The following MCF2L variants were observed in gnomAD, a reference collection of about 807,000 sequenced individuals.
MCF2L encodes the protein MCF.2 cell line derived transforming sequence like.
MCF2L carries 97 observed loss-of-function variants against 153.4 expected under a neutral mutation model. The ratio of observed to expected loss-of-function variants is 0.63; its 90% CI spans 0.54 to 0.75. The LOEUF is 0.75. Ranked by LOEUF, MCF2L falls within the 30% of genes least tolerant of loss-of-function variation. The pLI is 0.00. For missense variants in MCF2L, 1,347 were observed against 1,495.2 expected (o/e 0.90, Z 1.64); for synonymous variants, 659 against 632.2 (o/e 1.04, Z -0.64).
chr13:113,088,344 TA>T lies in MCF2L; in HGVS notation c.2709del (p.Ala904ProfsTer4). ...GGAAACAGGCGCCAACTCCTGAGAT[TA>T]AAGCCGCGTGGGTGAATGAAATTCG... ...YIVQAPTPEI[K>X]AAWVNEIRKV... is the part of the protein sequence containing the mutation. On this transcript the variant is annotated frameshift_variant, in exon 24 of 30. Transcript: ENST00000535094. LOFTEE classifies it high-confidence loss of function. 6.2e-7 allele frequency: 1 copy of T among 1,614,036 alleles called. No individual in the cohort carries two copies. The highest frequency in any genetic ancestry group is 8.5e-7 in the Non-Finnish European group (1 of 1,180,036).
intron 3 of MCF2L, among the ~76,000 whole-genome samples, chr13:113,034,763 G>T (rs1315181042): frequency 6.6e-6 from 1 of 152,226 alleles, no homozygotes; most frequent in African/African-American, 2.4e-5. Flanking sequence ...CGGGGTTGCA[G>T]TGTCTGTGCT....
intron 12 of MCF2L, 114 bp downstream of exon 12, chr13:113,076,271 ATT>A (rs11367219): frequency 1.9e-5 from 14 of 722,094 alleles, no homozygotes; most frequent in East Asian, 3.7e-5. Flanking sequence ...ATTTATTATT[ATT>A]TTTTTTTTGA....
rs1368788827 is a variant in MCF2L, at chr13:113,070,752, T to C, written c.996+579T>C. ...TTTGTTTGTTTGCTCAGCACAGCTC[T>C]CTGCAGACCCCCAGGTGCCGGTGGC... On this transcript the variant is annotated intron_variant, in intron 9 of 29. Coordinates refer to ENST00000535094, the MANE Select transcript of MCF2L (RefSeq NM_001112732.3). The surrounding 1 kb of genome is among the most constrained non-coding windows in gnomAD (Gnocchi z 5.6). Among the ~76,000 whole-genome samples, 1 of 152,236 alleles carries C rather than the reference T, an allele frequency of 6.6e-6. No homozygotes were observed. Among genetic ancestry groups the C allele is most frequent in the East Asian group, 1.9e-4 (1 of 5,194 alleles).
intron 1 of MCF2L, among the ~76,000 whole-genome samples, chr13:112,974,131 C>G (rs774009285): frequency 7.2e-5 from 11 of 152,220 alleles, no homozygotes; most frequent in Non-Finnish European, 4.4e-5. Flanking sequence ...TCCACATCAC[C>G]TGCTGGCTTC....
chr13:112,902,408 A>T (rs9603988), intron 2 of MCF2L: 35,260 of 1,599,282 alleles, frequency 0.022, 594 homozygotes, highest in East Asian at 0.052. Flanking sequence ...TTGATTTTGC[A>T]GGTCTCACTG....
intron 1 of MCF2L, among the ~76,000 whole-genome samples, chr13:112,899,176 G>A (rs543499367): frequency 5.3e-5 from 8 of 152,354 alleles, no homozygotes; most frequent in Non-Finnish European, 8.8e-5. Context: ...GGGCTGGGCC[G>A]AGTTCTAGCC....
At position 113,066,468 on chromosome 13, in the gene MCF2L, T is replaced by C. The variant is rs189518655; in HGVS notation, c.881+298T>C. On this transcript the variant is annotated intron_variant, in intron 8 of 29. Coordinates refer to ENST00000535094, the MANE Select transcript of MCF2L (RefSeq NM_001112732.3). ...GAGGCGTTAGGGGAAGCAGAGGCGA[T>C]GGGAGTGCCTTAGACCTGGGGCTTC... is the stretch of plus-strand genomic sequence containing the variant. 5.1e-4 allele frequency among the ~76,000 whole-genome samples: 77 copies of C among 152,334 alleles called. No individual in the cohort carries two copies. The East Asian group carries it at 0.014, about 29-fold the overall frequency.
intron 2 of MCF2L, among the ~76,000 whole-genome samples, chr13:112,914,001 G>A (rs958899348): frequency 1.3e-5 from 2 of 152,160 alleles, no homozygotes; most frequent in African/African-American, 2.4e-5. Flanking sequence ...GCGTTGGGAC[G>A]TAATTCCCCG....
intron 1 of MCF2L, among the ~76,000 whole-genome samples, chr13:113,011,496 G>T (rs548304501): frequency 1.3e-5 from 2 of 151,802 alleles, no homozygotes; most frequent in African/African-American, 4.8e-5. Context: ...GTGGATGGTG[G>T]ACAGGTGGTG....
intron 1 of MCF2L, 69 bp from the exon 2 acceptor site, chr13:113,014,694 T>G (rs1460714413): frequency 2.3e-6 from 3 of 1,325,662 alleles, no homozygotes; most frequent in Non-Finnish European, 3.2e-6. Context: ...CCGTGTGGGA[T>G]CGGGTGGGCG....
chr13:112,982,985 G>C (rs1420492951), intron 1 of MCF2L, among the ~76,000 whole-genome samples: 1 of 152,146 alleles, frequency 6.6e-6, no homozygotes, highest in African/African-American at 2.4e-5. Flanking sequence ...GTCCATGGTG[G>C]TGACGCTCAG....
chr13:113,084,123 G>T, intron 18 of MCF2L, 56 bp downstream of exon 18: 1 of 1,362,452 alleles, frequency 7.3e-7, no homozygotes, highest in South Asian at 1.2e-5. Flanking sequence ...ACTGAATAAT[G>T]ACTTCAGATT....
intron 2 of MCF2L, among the ~76,000 whole-genome samples, chr13:112,908,642 G>A (rs2081196754): frequency 6.6e-6 from 1 of 152,284 alleles, no homozygotes. Context: ...TGAAGAAACT[G>A]TGTTTGACAT....
intron 2 of MCF2L, among the ~76,000 whole-genome samples, chr13:112,947,935 C>A (rs1295352324): frequency 1.3e-5 from 2 of 152,216 alleles, no homozygotes; most frequent in East Asian, 3.8e-4. Flanking sequence ...AAGCCATGCC[C>A]CCACAGCTCT....
At chr13:113,036,583 G>C (rs897343324) in intron 3 of MCF2L, among the ~76,000 whole-genome samples, 5 of 152,220 alleles carry the variant, frequency 3.3e-5, no homozygotes, top group African/African-American at 1.2e-4. Flanking sequence ...GTGCGGGGTG[G>C]GTGAGTGGCA....
chr13:112,996,122 C>T (rs942976426), intron 1 of MCF2L, among the ~76,000 whole-genome samples: 12 of 152,094 alleles, frequency 7.9e-5, no homozygotes, highest in Admixed American at 3.3e-4. Context: ...GGCTAGCCCT[C>T]GTCATCTTCT....
chr13:113,091,627 G>A (rs4907486), intron 26 of MCF2L, among the ~76,000 whole-genome samples: 113,141 of 151,582 alleles, frequency 0.75, 42,684 homozygotes, highest in South Asian at 0.85. Flanking sequence ...GGGCCGACCC[G>A]GACCCTCCTT....
chr13:112,954,589 A>G (rs913747268), intron 2 of MCF2L, among the ~76,000 whole-genome samples: 1 of 152,206 alleles, frequency 6.6e-6, no homozygotes, highest in African/African-American at 2.4e-5. Flanking sequence ...CCTCTGTGGC[A>G]TGGCCCTCAG....
intron 2 of MCF2L, among the ~76,000 whole-genome samples, chr13:112,935,671 C>T (rs1449959363): frequency 1.3e-5 from 2 of 152,046 alleles, no homozygotes; most frequent in Admixed American, 1.3e-4. Flanking sequence ...TTTGGTAGGT[C>T]GAGTGTATTC....
Sources: allele counts gnomAD v4.1 joint callset (sites outside exome capture counted in the v4.1 genomes callset), GRCh38; gene constraint gnomAD v4.1.1; non-coding constraint Gnocchi (gnomAD v3.1); transcripts MANE v1.5; gene names NCBI Gene and HGNC (gene_info 2026-07-23, HGNC 2026-07-21).